The following GINS3 variants were observed in gnomAD, a reference collection of about 807,000 sequenced individuals.
GINS3 encodes DNA replication complex GINS protein PSF3.
GINS3 carries 18 observed loss-of-function variants against 20.0 expected under a neutral mutation model. The observed-to-expected ratio is 0.90, with a 90% confidence interval of 0.62 to 1.33. The LOEUF (loss-of-function observed/expected upper bound fraction) is 1.33, where lower values mean the gene tolerates loss of function less well. Ranked by LOEUF, GINS3 falls within the 40% of genes most tolerant of loss-of-function variation. GINS3 has a pLI of 0.00. For synonymous variants in GINS3, 109 were observed against 107.0 expected (o/e 1.02, Z -0.12); for missense variants, 254 against 273.6 (o/e 0.93, Z 0.51).
intron 1 of GINS3, among the ~76,000 whole-genome samples, chr16:58,395,851 C>T (rs553659508): frequency 4.7e-4 from 71 of 152,288 alleles, no homozygotes; most frequent in Admixed American, 2.3e-3. Flanking sequence ...GTTGAGTACA[C>T]CTCCCAGACG....
chr16:58,392,734 G>A lies in GINS3; in HGVS notation c.133G>A (p.Ala45Thr). ...GGAGACCGCCATGCCTCGCCTTGGC[G>A]CTTTCTTCCTGGAGCGGAGCGCAGG... ...RTETAMPRLG[A>T]FFLERSAGAE... The change falls in exon 1 of 3, where the codon GCT (alanine) becomes ACT (threonine). Residue 45 changes from alanine to threonine, a missense_variant. Coordinates refer to ENST00000318129, the MANE Select transcript of GINS3 (RefSeq NM_022770.4). 6.2e-7 allele frequency: 1 copy of A among 1,613,952 alleles called. No individual in the cohort carries two copies. The highest frequency in any genetic ancestry group is 8.5e-7 in the Non-Finnish European group (1 of 1,180,020).
intron 2 of GINS3, 77 bp downstream of exon 2, chr16:58,403,408 C>T (rs1421376295): frequency 1.3e-5 from 14 of 1,092,996 alleles, no homozygotes; most frequent in Non-Finnish European, 1.9e-5. Context: ...TTACCCAGGA[C>T]AGTGTATGAC....
In GINS3 at chr16:58,404,907, T is replaced by G. The variant is rs143819892; in HGVS notation, c.*178T>G. ...GAGGATGTGGGTGTCCCTGGCTCTG[T>G]GAGTCTTCCAGGACCGTCCCACCCT... On this transcript the variant is annotated 3_prime_UTR_variant, in exon 3 of 3. Transcript: ENST00000318129. The G allele has an allele frequency of 3.4e-4, 206 of 605,358 alleles. 2 individuals carry two copies. The highest frequency in any genetic ancestry group is 9.9e-5 in the Non-Finnish European group (34 of 343,990). 37.5% of individuals were successfully genotyped at this position (605,358 alleles called of 1,614,324 possible). A position where few individuals can be genotyped will look rare whatever the true frequency, so the allele number is the denominator to read the frequency against.
chr16:58,395,091 T>C, intron 1 of GINS3: 2 of 583,068 alleles, frequency 3.4e-6, no homozygotes, highest in Non-Finnish European at 6.0e-6. Context: ...TTTTTTTTTT[T>C]TTTGAGACAG....
chr16:58,400,554 C>T (rs754280641), intron 1 of GINS3, among the ~76,000 whole-genome samples: 4 of 152,206 alleles, frequency 2.6e-5, no homozygotes, highest in Non-Finnish European at 4.4e-5. Context: ...TGAGAATCCT[C>T]CTGAAATCCA....
At chr16:58,397,111 C>A (rs917383313) in intron 1 of GINS3, among the ~76,000 whole-genome samples, 1 of 151,738 alleles carries the variant, frequency 6.6e-6, no homozygotes, top group African/African-American at 2.4e-5. Flanking sequence ...CGGGCGGAGA[C>A]GCTCCTCACT....
At chr16:58,396,050 C>T in intron 1 of GINS3, among the ~76,000 whole-genome samples, 1 of 144,786 alleles carries the variant, frequency 6.9e-6, no homozygotes, top group African/African-American at 2.6e-5. Context: ...CAGAGGCGCC[C>T]CTCACCTCCC....
chr16:58,397,339 A>G (rs1215400686), intron 1 of GINS3, among the ~76,000 whole-genome samples: 1 of 148,320 alleles, frequency 6.7e-6, no homozygotes, highest in African/African-American at 2.6e-5. Flanking sequence ...GCGGCCGGGC[A>G]GAGACGCTCC....
chr16:58,403,555 A>G, intron 2 of GINS3: 4 of 511,372 alleles, frequency 7.8e-6, no homozygotes, highest in Non-Finnish European at 1.4e-5. Flanking sequence ...CACTCCTCAT[A>G]TTTGCTTGCT....
In GINS3 at chr16:58,392,509, T is replaced by G. The variant is rs1024281711; in HGVS notation, c.-93T>G. On this transcript the variant is annotated 5_prime_UTR_variant, in exon 1 of 3. Transcript: ENST00000318129. ...TCCACTTTCCTGACCCCAACCATCC[T>G]GCCCAGTCTCCGCTTCCCCGTCTTG... The G allele has an allele frequency of 2.9e-6, 4 of 1,400,538 alleles. No individual in the cohort carries two copies. The East Asian group carries it at 9.2e-5, about 32-fold the overall frequency. The allele number at this position is 1,400,538 out of a possible 1,614,324, so 86.8% of individuals were successfully genotyped here.
intron 1 of GINS3, among the ~76,000 whole-genome samples, chr16:58,394,573 C>G (rs1965823128): frequency 6.6e-6 from 1 of 152,188 alleles, no homozygotes; most frequent in African/African-American, 2.4e-5. Flanking sequence ...TCTGGAACTC[C>G]TGACTTCAAG....
chr16:58,399,377 CAT>C (rs1380056377), intron 1 of GINS3, among the ~76,000 whole-genome samples: 3 of 151,894 alleles, frequency 2.0e-5, no homozygotes, highest in Non-Finnish European at 4.4e-5. Flanking sequence ...TTAATTTAGA[CAT>C]ATATTAATAA....
At chr16:58,403,053 G>T in intron 1 of GINS3, 45 bp from the exon 2 acceptor site, 1 of 1,478,260 alleles carries the variant, frequency 6.8e-7, no homozygotes, top group Non-Finnish European at 9.4e-7. Context: ...CACATTTGCT[G>T]TGTTACTTGT....
chr16:58,395,983 G>A (rs1440037930), intron 1 of GINS3, among the ~76,000 whole-genome samples: 3 of 148,108 alleles, frequency 2.0e-5, no homozygotes, highest in Non-Finnish European at 3.0e-5. Flanking sequence ...CCTCCCTCCC[G>A]GACAGGGCGG....
At chr16:58,398,796 A>G (rs1196929184) in intron 1 of GINS3, among the ~76,000 whole-genome samples, 2 of 152,190 alleles carry the variant, frequency 1.3e-5, no homozygotes, top group Non-Finnish European at 1.5e-5. Context: ...CACCGTGGCC[A>G]GAAAACATAG....
intron 1 of GINS3, among the ~76,000 whole-genome samples, chr16:58,398,654 TTTTAAAATACTG>T (rs572591251): frequency 5.9e-5 from 9 of 152,194 alleles, no homozygotes; most frequent in East Asian, 1.9e-4. Context: ...TAATTTTGCG[TTTTAAAATACTG>T]TTTAAAATAC....
At chr16:58,396,213 G>A (rs1392893497) in intron 1 of GINS3, among the ~76,000 whole-genome samples, 30 of 130,186 alleles carry the variant, frequency 2.3e-4, no homozygotes, top group African/African-American at 7.3e-4. Context: ...AGGGGCGGCC[G>A]GGCAGAGGCG....
chr16:58,397,102 G>A (rs1331576134), intron 1 of GINS3, among the ~76,000 whole-genome samples: 15 of 151,940 alleles, frequency 9.9e-5, no homozygotes, highest in South Asian at 2.1e-4. Context: ...GGTGGCTGCC[G>A]GGCGGAGACG....
At chr16:58,403,944 C>T (rs1450253813) in intron 2 of GINS3, 2 of 158,964 alleles carry the variant, frequency 1.3e-5, no homozygotes, top group Non-Finnish European at 1.4e-5. Flanking sequence ...CATCAATTCA[C>T]CTGTAAGAAT....
Sources: allele counts gnomAD v4.1 joint callset (sites outside exome capture counted in the v4.1 genomes callset), GRCh38; gene constraint gnomAD v4.1.1; transcripts MANE v1.5; gene names NCBI Gene and HGNC (gene_info 2026-07-23, HGNC 2026-07-21).